CEP57: variants seen among roughly 807,000 people sequenced by gnomAD.
CEP57 encodes centrosomal protein of 57 kDa.
A neutral mutation model predicts 68.0 loss-of-function variants in CEP57; 40 were observed. The observed-to-expected ratio is 0.59, with a 90% CI of 0.46 to 0.77. The LOEUF is 0.77. CEP57 is among the 30% of genes least tolerant of loss of function. CEP57 has a pLI of 0.00. For synonymous variants in CEP57, 219 were observed against 198.7 expected (o/e 1.10, Z -0.86); for missense variants, 606 against 580.7 (o/e 1.04, Z -0.45).
Position 95,825,100 on chromosome 11 carries a change from C to T in CEP57, c.885+2524C>T, listed in dbSNP as rs185245212. ...CTAAACACAGTGTGTCTAATTCACC[C>T]TCTGGATCAGGGAGCATAAGGACTT... On this transcript the variant is annotated intron_variant, in intron 8 of 10. Transcript: ENST00000325542. 1.4e-4 allele frequency among the ~76,000 whole-genome samples: 21 copies of T among 152,278 alleles called. No homozygotes were observed. In the East Asian group the frequency reaches 4.1e-3, roughly 29 times the overall value.
At chr11:95,811,846 A>C (rs1406546035) in intron 2 of CEP57, among the ~76,000 whole-genome samples, 3 of 152,192 alleles carry the variant, frequency 2.0e-5, no homozygotes, top group African/African-American at 7.2e-5. Flanking sequence ...TGACCCAGTA[A>C]CTTTTTAGTT....
intron 8 of CEP57, among the ~76,000 whole-genome samples, chr11:95,824,620 A>AG (rs939698926): frequency 6.6e-6 from 1 of 152,224 alleles, no homozygotes; most frequent in South Asian, 2.1e-4. Flanking sequence ...TTGAGGAGAA[A>AG]GGGTATCTTC....
At chr11:95,815,689 C>T (rs1430706275) in intron 4 of CEP57, among the ~76,000 whole-genome samples, 1 of 152,128 alleles carries the variant, frequency 6.6e-6, no homozygotes, top group Non-Finnish European at 1.5e-5. Context: ...GTGGCTTACA[C>T]CTGTAATGCC....
intron 8 of CEP57, 58 bp from the exon 9 acceptor site, chr11:95,827,728 G>T: frequency 6.2e-7 from 1 of 1,605,952 alleles, no homozygotes; most frequent in Non-Finnish European, 8.5e-7. Context: ...TTAGGGAATA[G>T]AAAGTGGTGT....
At chr11:95,818,281 G>A (rs1439377542) in intron 5 of CEP57, among the ~76,000 whole-genome samples, 9 of 151,776 alleles carry the variant, frequency 5.9e-5, no homozygotes, top group African/African-American at 9.7e-5. Context: ...GCATCGTGGC[G>A]CATGCCTGTA....
At position 95,832,253 on chromosome 11, in the gene CEP57, C is replaced by A. The variant is rs1863035485; in HGVS notation, c.*997C>A. On this transcript the variant is annotated 3_prime_UTR_variant, in exon 11 of 11. Coordinates refer to ENST00000325542, the MANE Select transcript of CEP57 (RefSeq NM_014679.5). Reference sequence around the variant, plus strand: ...GAAACACTGCAACTTTCCTTAACAGCCTGTTAATAAAGGCTTTGTGACAAG... The same window carrying A: ...GAAACACTGCAACTTTCCTTAACAGACTGTTAATAAAGGCTTTGTGACAAG... 6.6e-6 allele frequency: 1 copy of A among 152,038 alleles called. No homozygotes were observed. Among genetic ancestry groups the A allele is most frequent in the South Asian group, 2.1e-4 (1 of 4,824 alleles). The allele number at this position is 152,038 out of a possible 1,614,324, so 9.4% of individuals were successfully genotyped here. A position where few individuals can be genotyped will look rare whatever the true frequency, so the allele number is the denominator to read the frequency against.
At chr11:95,830,055 G>A (rs1218211489) in intron 10 of CEP57, among the ~76,000 whole-genome samples, 2 of 152,180 alleles carry the variant, frequency 1.3e-5, no homozygotes, top group East Asian at 1.9e-4. Flanking sequence ...AGTTCAGAGA[G>A]CAGAACAGTT....
At position 95,790,498 on chromosome 11, in the gene CEP57, C is replaced by G; in HGVS notation, c.-201C>G. Reference sequence around the variant, plus strand: ...AAGACGTCCGTTAGGACGTGTTGCCCTTTCTGTGTAAGCTGTGAGCGTAGG... The same window carrying G: ...AAGACGTCCGTTAGGACGTGTTGCCGTTTCTGTGTAAGCTGTGAGCGTAGG... On this transcript the variant is annotated 5_prime_UTR_variant, in exon 1 of 11. Coordinates refer to ENST00000325542, the MANE Select transcript of CEP57 (RefSeq NM_014679.5). The G allele has an allele frequency of 1.6e-6, 1 of 615,716 alleles. No individual in the cohort carries two copies. Among genetic ancestry groups the G allele is most frequent in the Non-Finnish European group, 2.9e-6 (1 of 348,620 alleles). The allele number at this position is 615,716 out of a possible 1,614,324, so 38.1% of individuals were successfully genotyped here.
At position 95,813,063 on chromosome 11, in the gene CEP57, A is replaced by G; in HGVS notation, c.334A>G (p.Ile112Val). ...IEYKKVLDEQIQERENSKNEE... is the reference protein window; with the variant it reads ...IEYKKVLDEQVQERENSKNEE... ...ATATAAGAAAGTACTGGATGAACAGATACAAGAAAGGGAGAATTCAAAGAA... is the reference window on the plus strand; with the variant it reads ...ATATAAGAAAGTACTGGATGAACAGGTACAAGAAAGGGAGAATTCAAAGAA... The change falls in exon 3 of 11, where the codon ATA becomes GTA. Residue 112 changes from isoleucine to valine, a missense_variant. Coordinates refer to ENST00000325542, the MANE Select transcript of CEP57 (RefSeq NM_014679.5). 1.2e-6 allele frequency: 2 copies of G among 1,613,702 alleles called. No individual in the cohort carries two copies. The highest frequency in any genetic ancestry group is 2.2e-5 in the South Asian group (2 of 91,044).
intron 2 of CEP57, among the ~76,000 whole-genome samples, chr11:95,808,852 A>T (rs1861926152): frequency 6.6e-6 from 1 of 152,238 alleles, no homozygotes; most frequent in Non-Finnish European, 1.5e-5. Flanking sequence ...CACCGAGCGA[A>T]CCTAATAGAC....
Position 95,823,017 on chromosome 11 carries a change from C to T in CEP57, c.885+441C>T, listed in dbSNP as rs112877272. ...ACTAATTCTCCAAGAAGCAGTCATA[C>T]GTACACTTGAATCTTCAGTTTCTTC... is the stretch of plus-strand genomic sequence containing the variant. On this transcript the variant is annotated intron_variant, in intron 8 of 10. Coordinates refer to ENST00000325542, the MANE Select transcript of CEP57 (RefSeq NM_014679.5). 1,383 of 211,772 alleles carry T rather than the reference C, an allele frequency of 6.5e-3. 20 individuals carry two copies. The highest frequency in any genetic ancestry group is 0.03 in the African/African-American group (1,305 of 44,112). The allele number at this position is 211,772 out of a possible 1,614,324, so 13.1% of individuals were successfully genotyped here. A position where few individuals can be genotyped will look rare whatever the true frequency, so the allele number is the denominator to read the frequency against.
Position 95,831,452 on chromosome 11 carries a change from G to T in CEP57, c.*196G>T. ...GTTAAAGCATTTAAATGGAAACCAGGGGAGTTTTAAAGCCCGAGAAACCAC... is the reference window on the plus strand; with the variant it reads ...GTTAAAGCATTTAAATGGAAACCAGTGGAGTTTTAAAGCCCGAGAAACCAC... On this transcript the variant is annotated 3_prime_UTR_variant, in exon 11 of 11. Transcript: ENST00000325542. The T allele has an allele frequency of 2.0e-6, 1 of 504,174 alleles. No homozygotes were observed. The highest frequency in any genetic ancestry group is 2.7e-5 in the South Asian group (1 of 37,004). 31.2% of individuals were successfully genotyped at this position (504,174 alleles called of 1,614,324 possible).
At chr11:95,794,807 A>G (rs1244343547) in intron 1 of CEP57, among the ~76,000 whole-genome samples, 1 of 152,120 alleles carries the variant, frequency 6.6e-6, no homozygotes, top group Non-Finnish European at 1.5e-5. Flanking sequence ...TACTTATTTT[A>G]AAGTTGAAGC....
At chr11:95,800,785 C>G (rs1371674700) in intron 2 of CEP57, among the ~76,000 whole-genome samples, 1 of 152,166 alleles carries the variant, frequency 6.6e-6, no homozygotes, top group African/African-American at 2.4e-5. Context: ...AGATTGGGCC[C>G]ACTCAGATAA....
At chr11:95,791,436 T>C (rs1861070838) in intron 1 of CEP57, among the ~76,000 whole-genome samples, 1 of 152,224 alleles carries the variant, frequency 6.6e-6, no homozygotes, top group Admixed American at 6.5e-5. Context: ...GAGTGTCGAA[T>C]GCTTAGGTTT....
chr11:95,792,287 G>A (rs1196046016), intron 1 of CEP57, among the ~76,000 whole-genome samples: 2 of 152,116 alleles, frequency 1.3e-5, no homozygotes, highest in Non-Finnish European at 2.9e-5. Flanking sequence ...GGCTTTTCAC[G>A]GCTCTCAAAA....
At chr11:95,790,365 G>C (rs1462905240), upstream of CEP57, 1 of 445,374 alleles carries the variant, frequency 2.2e-6, no homozygotes, top group East Asian at 4.1e-5. Flanking sequence ...TAACCCCGGC[G>C]TTGTCTGCCC....
chr11:95,803,932 T>C (rs1018751249), intron 2 of CEP57, among the ~76,000 whole-genome samples: 7 of 152,022 alleles, frequency 4.6e-5, no homozygotes, highest in African/African-American at 1.7e-4. Flanking sequence ...GGTATAGCCA[T>C]GTTGAGGTAA....
chr11:95,806,431 C>A (rs925935948), intron 2 of CEP57, among the ~76,000 whole-genome samples: 7 of 152,190 alleles, frequency 4.6e-5, no homozygotes, highest in African/African-American at 1.4e-4. Context: ...GGTGTTGTCT[C>A]ACCCGGGAAG....
Sources: allele counts gnomAD v4.1 joint callset (sites outside exome capture counted in the v4.1 genomes callset), GRCh38; gene constraint gnomAD v4.1.1; transcripts MANE v1.5; gene names NCBI Gene and HGNC (gene_info 2026-07-23, HGNC 2026-07-21).